CDKL5: variants seen among roughly 807,000 people sequenced by gnomAD.
CDKL5 encodes cyclin dependent kinase like 5, also known as cyclin-dependent kinase-like 5.
Under a neutral mutation model 61.7 loss-of-function variants are expected in CDKL5, and 8 were observed. The observed-to-expected ratio is 0.13, with a 90% CI of 0.08 to 0.23. The LOEUF (loss-of-function observed/expected upper bound fraction) is 0.23. Among genes scored for constraint, CDKL5 ranks in the 10% least tolerant of loss-of-function variants. CDKL5 has a pLI of 1.00. For synonymous variants in CDKL5, 275 were observed against 272.3 expected (o/e 1.01, Z -0.10); for missense variants, 440 against 734.5 (o/e 0.60, Z 4.63).
chrX:18,501,593 G>C (rs1313281574), intron 1 of CDKL5, among the ~76,000 whole-genome samples: 1 of 111,111 alleles, frequency 9.0e-6, no homozygotes, highest in Non-Finnish European at 1.9e-5. Flanking sequence ...CTGTCGCCCA[G>C]GCTGGAGTGC....
At chrX:18,546,780 C>T (rs1343765430) in intron 3 of CDKL5, among the ~76,000 whole-genome samples, 1 of 111,356 alleles carries the variant, frequency 9.0e-6, no homozygotes, top group Admixed American at 9.5e-5. Context: ...AGTGAGGCCG[C>T]ATGGCAAAGC....
At chrX:18,647,880 T>C (rs1927851830) in intron 20 of CDKL5, among the ~76,000 whole-genome samples, 1 of 100,369 alleles carries the variant, frequency 1.0e-5, no homozygotes, top group Admixed American at 1.0e-4. Context: ...TGCAGTTTTC[T>C]CACCAGTCTA....
intron 16 of CDKL5, among the ~76,000 whole-genome samples, chrX:18,622,913 G>T (rs1272752140): frequency 1.8e-5 from 2 of 112,035 alleles, no homozygotes; most frequent in Non-Finnish European, 3.8e-5. Flanking sequence ...AAGAAAATTT[G>T]TGGGATGTTT....
chrX:18,482,751 G>T (rs554271655), intron 1 of CDKL5, among the ~76,000 whole-genome samples: 1 of 106,991 alleles, frequency 9.3e-6, no homozygotes, highest in Non-Finnish European at 1.9e-5. Context: ...CTTTACTTAC[G>T]TAACTATAAA....
rs1292191948 is a variant in CDKL5, at chrX:18,630,000, C to G, written c.*1243C>G. 6.6e-6 allele frequency: 5 copies of G among 752,379 alleles called. No homozygotes were observed. The highest frequency in any genetic ancestry group is 7.8e-6 in the Non-Finnish European group (5 of 639,041). 62.0% of individuals were successfully genotyped at this position (752,379 alleles called of 1,213,427 possible). A position where few individuals can be genotyped will look rare whatever the true frequency, so the allele number is the denominator to read the frequency against. On this transcript the variant is annotated 3_prime_UTR_variant, in exon 18 of 18. Coordinates refer to ENST00000623535, the MANE Select transcript of CDKL5 (RefSeq NM_001323289.2). Reference sequence around the variant, plus strand: ...TGAATATTGTCCACTGTCCCGGAGACTCTTGGCTGATGGGGTGTGAGATAT... The same window carrying G: ...TGAATATTGTCCACTGTCCCGGAGAGTCTTGGCTGATGGGGTGTGAGATAT...
At chrX:18,460,272 G>C (rs755134306) in intron 1 of CDKL5, among the ~76,000 whole-genome samples, 2 of 110,893 alleles carry the variant, frequency 1.8e-5, no homozygotes, top group African/African-American at 6.6e-5. Flanking sequence ...GCGGGGTGCC[G>C]TAGGGGGGAC....
rs144097628 is a variant in CDKL5 at position 18,645,970 on chromosome X, G to T, written c.2714-37G>T. 4.0e-3 allele frequency: 4,811 copies of T among 1,207,474 alleles called. 118 individuals are homozygous for T. The African/African-American group carries it at 0.072, about 18-fold the overall frequency. ...TTGTGTTCTTAAAGGCAAGTCATGC[G>T]CACTCTGCTGCTCTTTTGTTTCTCC... On this transcript the variant is annotated intron_variant, in intron 19 of 21. Coordinates refer to the CDKL5 transcript ENST00000379989.
rs756552434 is a variant in CDKL5, at chrX:18,490,676, TAGTC to T, written c.-162-16256_-162-16253del. 3.5e-3 allele frequency among the ~76,000 whole-genome samples: 393 copies of T among 111,968 alleles called. 2 individuals carry two copies. In the Middle Eastern group the frequency reaches 0.041, roughly 12 times the overall value. ...TCTTTTTTAAATTGTTATTATTTAT[TAGTC>T]AGCTTCTCAGATCTCTTTGGAATTT... On this transcript the variant is annotated intron_variant, in intron 1 of 17. Transcript: ENST00000623535.
At chrX:18,642,082 G>T (rs200052722), downstream of CDKL5, 56 of 1,209,755 alleles carry the variant, frequency 4.6e-5, no homozygotes, top group Middle Eastern at 2.3e-4. Context: ...GGATGAGGCG[G>T]ATGAAGCGGG....
intron 1 of CDKL5, among the ~76,000 whole-genome samples, chrX:18,490,775 CA>C (rs1345420328): frequency 9.0e-6 from 1 of 111,565 alleles, no homozygotes; most frequent in Non-Finnish European, 1.9e-5. Context: ...TTTGTATGGC[CA>C]AAGTAATTTT....
intron 1 of CDKL5, among the ~76,000 whole-genome samples, chrX:18,476,369 C>T (rs898382512): frequency 9.0e-6 from 1 of 110,967 alleles, no homozygotes; most frequent in Admixed American, 9.6e-5. Flanking sequence ...GCATGCACCA[C>T]GATGCCTGGC....
chrX:18,599,465 T>C (rs1465796643), intron 11 of CDKL5, among the ~76,000 whole-genome samples: 12 of 112,502 alleles, frequency 1.1e-4, no homozygotes, highest in Non-Finnish European at 5.6e-5. Flanking sequence ...TTTTTTAGTT[T>C]TTTTAGAGAC....
At chrX:18,590,354 A>T (rs1925789306) in intron 9 of CDKL5, among the ~76,000 whole-genome samples, 2 of 111,641 alleles carry the variant, frequency 1.8e-5, no homozygotes, top group Admixed American at 1.9e-4. Context: ...CTATAAAATA[A>T]TCTCCCCACC....
intron 3 of CDKL5, among the ~76,000 whole-genome samples, chrX:18,557,637 A>G (rs1200474978): frequency 4.4e-5 from 5 of 112,579 alleles, no homozygotes; most frequent in African/African-American, 1.6e-4. Context: ...TATACAGTAT[A>G]TGATCAGTTT....
intron 1 of CDKL5, among the ~76,000 whole-genome samples, chrX:18,450,692 A>G (rs1168786439): frequency 9.0e-6 from 1 of 110,770 alleles, no homozygotes; most frequent in Non-Finnish European, 1.9e-5. Context: ...CTCCTGCCTC[A>G]GCCTCCCAAG....
At chrX:18,490,392 A>C (rs1375960539) in intron 1 of CDKL5, among the ~76,000 whole-genome samples, 1 of 110,313 alleles carries the variant, frequency 9.1e-6, no homozygotes, top group African/African-American at 3.3e-5. Flanking sequence ...CTGTGGATTG[A>C]ATTGAAGGAT....
chrX:18,631,119 C>T lies in CDKL5; in HGVS notation c.*2362C>T. The T allele has an allele frequency of 2.7e-6, 2 of 752,698 alleles. No homozygotes were observed. The highest frequency in any genetic ancestry group is 1.6e-6 in the Non-Finnish European group (1 of 638,599). The allele number at this position is 752,698 out of a possible 1,213,427, so 62.0% of individuals were successfully genotyped here. A position where few individuals can be genotyped will look rare whatever the true frequency, so the allele number is the denominator to read the frequency against. ...TCCCATGTTGTCATCCTTGCTAACACTGGGATCTCAGATGTTTGCAGAACA... is the reference window on the plus strand; with the variant it reads ...TCCCATGTTGTCATCCTTGCTAACATTGGGATCTCAGATGTTTGCAGAACA... On this transcript the variant is annotated 3_prime_UTR_variant, in exon 18 of 18. Transcript: ENST00000623535.
rs927338782 is a variant in CDKL5, at chrX:18,485,199, A to G, written c.-162-21736A>G. Among the ~76,000 whole-genome samples the G allele has an allele frequency of 4.5e-5, 5 of 110,200 alleles. No individual in the cohort carries two copies. The Admixed American group carries it at 4.9e-4, about 11-fold the overall frequency. On this transcript the variant is annotated intron_variant, in intron 1 of 17. Transcript: ENST00000623535. ...TAGACTTTTCCATTTCTCATTCATC[A>G]ACTATTTTTAAATTGTCGCTGTGTC...
intron 3 of CDKL5, among the ~76,000 whole-genome samples, chrX:18,540,951 T>C (rs756747885): frequency 8.9e-6 from 1 of 112,072 alleles, no homozygotes; most frequent in Admixed American, 9.5e-5. Context: ...CCTTCCAAAG[T>C]GCTGGGATTA....
Sources: gnomAD v4.1 joint callset for allele counts (sites outside exome capture counted in the v4.1 genomes callset) on GRCh38, gnomAD v4.1.1 for gene constraint, MANE v1.5 for transcripts, NCBI Gene and HGNC (gene_info 2026-07-23, HGNC 2026-07-21) for gene names.